The following SORCS1 variants were observed in gnomAD, a reference collection of about 807,000 sequenced individuals.
SORCS1 encodes VPS10 domain-containing receptor SorCS1.
SORCS1 carries 60 observed loss-of-function variants against 146.1 expected under a neutral mutation model. The ratio of observed to expected loss-of-function variants is 0.41; its 90% CI spans 0.33 to 0.51. The LOEUF is 0.51. Among genes scored for constraint, SORCS1 ranks in the 20% least tolerant of loss-of-function variants. The pLI, the probability that SORCS1 is intolerant of heterozygous loss-of-function variation, is 0.21. For missense variants in SORCS1, 1,352 were observed against 1,487.6 expected, an observed-to-expected ratio of 0.91 and a Z score of 1.50; for synonymous variants, 637 against 584.0, an observed-to-expected ratio of 1.09 and a Z score of -1.31.
chr10:106,856,672 C>T (rs1309883271), intron 2 of SORCS1, among the ~76,000 whole-genome samples: 1 of 152,202 alleles, frequency 6.6e-6, no homozygotes, highest in East Asian at 1.9e-4. Context: ...GGTAAAGCTC[C>T]TGGAGGTAAA....
At chr10:106,987,581 T>C (rs1956537436) in intron 1 of SORCS1, among the ~76,000 whole-genome samples, 1 of 152,230 alleles carries the variant, frequency 6.6e-6, no homozygotes, top group Admixed American at 6.5e-5. Context: ...GACCGGGCAG[T>C]GCCCTCAGGG....
rs1302674028 is a variant in SORCS1, at chr10:106,960,264, C to T, written c.559-3684G>A. Among the ~76,000 whole-genome samples, 2 of 152,206 alleles carry T rather than the reference C, an allele frequency of 1.3e-5. No individual in the cohort carries two copies. Among genetic ancestry groups the T allele is most frequent in the African/African-American group, 4.8e-5 (2 of 41,444 alleles). On this transcript the variant is annotated intron_variant, in intron 1 of 25. Transcript: ENST00000263054. The surrounding 1 kb of genome is among the most constrained non-coding windows in gnomAD (Gnocchi z 4.4). ...CTGGGATTTCCACAGTGACATGCTT[C>T]AAGTATCCCCCTCGCCAGTCTAGGA...
chr10:106,645,216 T>C (rs1165598714), intron 18 of SORCS1, among the ~76,000 whole-genome samples: 3 of 147,788 alleles, frequency 2.0e-5, no homozygotes, highest in Non-Finnish European at 3.0e-5. Flanking sequence ...TCAACCAGGC[T>C]GGAGTGTAGT....
intron 1 of SORCS1, among the ~76,000 whole-genome samples, chr10:107,074,800 T>C (rs1049525068): frequency 1.3e-5 from 2 of 152,188 alleles, no homozygotes; most frequent in African/African-American, 2.4e-5. Flanking sequence ...TGAAATACGA[T>C]GTGCAGCATT....
intron 2 of SORCS1, among the ~76,000 whole-genome samples, chr10:106,880,275 A>G (rs760258699): frequency 7.9e-5 from 12 of 152,246 alleles, no homozygotes; most frequent in African/African-American, 1.2e-4. Context: ...GTTGCACTTC[A>G]GTCTTATTAC....
intron 8 of SORCS1, 28 bp from the exon 9 acceptor site, chr10:106,699,421 G>C (rs753964161): frequency 5.1e-6 from 8 of 1,569,280 alleles, no homozygotes; most frequent in Non-Finnish European, 6.9e-6. Context: ...GTCGTGAAGA[G>C]GGAAAAAGAG....
chr10:106,757,028 T>G (rs985085661), intron 5 of SORCS1, among the ~76,000 whole-genome samples: 1 of 152,178 alleles, frequency 6.6e-6, no homozygotes, highest in African/African-American at 2.4e-5. Flanking sequence ...TCTTTGGCAA[T>G]ACTTGCTGTC....
chr10:106,879,013 G>A (rs1950712841), intron 2 of SORCS1, among the ~76,000 whole-genome samples: 1 of 151,902 alleles, frequency 6.6e-6, no homozygotes, highest in Admixed American at 6.6e-5. Context: ...AGCCGGACAT[G>A]GTGGTGGGCG....
At chr10:107,132,007 G>A (rs1220934001) in intron 1 of SORCS1, among the ~76,000 whole-genome samples, 1 of 152,136 alleles carries the variant, frequency 6.6e-6, no homozygotes, top group Non-Finnish European at 1.5e-5. Flanking sequence ...CTTTCTTTGA[G>A]AAGAAAGTAG....
chr10:106,906,478 G>A (rs534389129), intron 2 of SORCS1, among the ~76,000 whole-genome samples: 46 of 152,278 alleles, frequency 3.0e-4, no homozygotes, highest in African/African-American at 1.1e-3. Context: ...CAGAATCACG[G>A]TGGGAGGTGA....
intron 2 of SORCS1, among the ~76,000 whole-genome samples, chr10:106,867,579 G>A (rs576203104): frequency 3.9e-5 from 6 of 152,138 alleles, no homozygotes; most frequent in South Asian, 2.1e-4. Context: ...CACCGCACCC[G>A]GCCATATTCA....
intron 1 of SORCS1, among the ~76,000 whole-genome samples, chr10:107,062,130 C>T (rs921149592): frequency 6.6e-6 from 1 of 152,164 alleles, no homozygotes; most frequent in South Asian, 2.1e-4. Flanking sequence ...TAGGAAGCTA[C>T]CTGTGTACAA....
chr10:106,952,616 T>C (rs2138932318), intron 2 of SORCS1, among the ~76,000 whole-genome samples: 1 of 148,496 alleles, frequency 6.7e-6, no homozygotes, highest in East Asian at 2.0e-4. Context: ...GTATTATACA[T>C]ATTTTTCCAC....
intron 2 of SORCS1, among the ~76,000 whole-genome samples, chr10:106,831,741 CA>C (rs1299141764): frequency 1.3e-5 from 2 of 151,958 alleles, no homozygotes; most frequent in African/African-American, 4.8e-5. Flanking sequence ...AAAATTTATA[CA>C]TAGATGGCAA....
chr10:106,939,998 G>C (rs931657819), intron 2 of SORCS1, among the ~76,000 whole-genome samples: 1 of 152,194 alleles, frequency 6.6e-6, no homozygotes. Flanking sequence ...AGCACAAGGT[G>C]CAGCCCTTGG....
At chr10:106,877,399 A>C (rs1950628713) in intron 2 of SORCS1, among the ~76,000 whole-genome samples, 1 of 151,500 alleles carries the variant, frequency 6.6e-6, no homozygotes, top group African/African-American at 2.4e-5. Flanking sequence ...CCTGCACAAC[A>C]TAGAAAGACC....
intron 7 of SORCS1, among the ~76,000 whole-genome samples, chr10:106,707,968 A>T (rs1390116694): frequency 6.6e-6 from 1 of 151,936 alleles, no homozygotes; most frequent in Non-Finnish European, 1.5e-5. Context: ...TGGCCAGATG[A>T]CCTCTTAGGT....
intron 1 of SORCS1, among the ~76,000 whole-genome samples, chr10:107,093,588 G>A (rs1349697404): frequency 1.3e-5 from 2 of 151,462 alleles, no homozygotes; most frequent in Admixed American, 6.6e-5. Flanking sequence ...CAGGAGAATC[G>A]CTTGAACCCG....
chr10:106,965,997 G>T (rs886991309), intron 1 of SORCS1, among the ~76,000 whole-genome samples: 3 of 152,094 alleles, frequency 2.0e-5, no homozygotes, highest in Non-Finnish European at 4.4e-5. Flanking sequence ...TTAAAGTTTT[G>T]AACCCTGGTA....
Sources: allele counts gnomAD v4.1 joint callset (sites outside exome capture counted in the v4.1 genomes callset), GRCh38; gene constraint gnomAD v4.1.1; non-coding constraint Gnocchi (gnomAD v3.1); transcripts MANE v1.5; gene names NCBI Gene and HGNC (gene_info 2026-07-23, HGNC 2026-07-21).